Variants in BMPER observed in about 807,000 individuals in gnomAD.
The protein encoded by BMPER is BMP-binding endothelial regulator protein.
A neutral mutation model predicts 87.3 loss-of-function variants in BMPER; 45 were observed. The observed-to-expected ratio is 0.52, with a 90% CI of 0.41 to 0.66. The LOEUF (loss-of-function observed/expected upper bound fraction) is 0.66. BMPER is among the 30% of genes least tolerant of loss of function. The pLI is 0.00. For synonymous variants in BMPER, 326 were observed against 316.2 expected (o/e 1.03, Z -0.33); for missense variants, 784 against 867.5 (o/e 0.90, Z 1.21).
chr7:34,067,823 C>T (rs1362458), intron 11 of BMPER, among the ~76,000 whole-genome samples: 29,177 of 152,140 alleles, frequency 0.19, 2,926 homozygotes, highest in Middle Eastern at 0.25. Context: ...ATCAGTCTGT[C>T]TTCTGTTTTA....
rs1207349386 is a variant in BMPER, at chr7:33,906,878, A to T, written c.194A>T (p.Asn65Ile). 6.2e-7 allele frequency: 1 copy of T among 1,613,762 alleles called. No homozygotes were observed. The highest frequency in any genetic ancestry group is 8.5e-7 in the Non-Finnish European group (1 of 1,179,736). Residue 65 changes from asparagine (N) to isoleucine (I), a missense_variant, in exon 2 of 15, where the codon AAC becomes ATC. Transcript: ENST00000649409. ...EVLQIPFITD[N>I]PCIMCVCLNK... The stretch of plus-strand genomic sequence containing the variant: ...CTCCAGATTCCATTTATCACAGACA[A>T]CCCTTGCATAATGTGTGTCTGCTTG...
intron 5 of BMPER, among the ~76,000 whole-genome samples, chr7:33,972,047 C>T (rs2128619067): frequency 1.3e-5 from 2 of 152,198 alleles, no homozygotes; most frequent in Admixed American, 1.3e-4. Context: ...GGACTACAGG[C>T]ACCCGCCACC....
intron 13 of BMPER, among the ~76,000 whole-genome samples, chr7:34,143,007 A>G (rs943486776): frequency 6.6e-6 from 1 of 152,170 alleles, no homozygotes; most frequent in Non-Finnish European, 1.5e-5. Context: ...GTTCTATTGG[A>G]TAATCTTGCT....
chr7:33,907,313 G>T (rs1425606826), intron 2 of BMPER, among the ~76,000 whole-genome samples: 1 of 151,956 alleles, frequency 6.6e-6, no homozygotes, highest in Non-Finnish European at 1.5e-5. Context: ...TCAGGAATAA[G>T]GTATGCGACA....
intron 13 of BMPER, among the ~76,000 whole-genome samples, chr7:34,129,631 A>AGAAG (rs1302157273): frequency 3.2e-5 from 4 of 123,974 alleles, no homozygotes; most frequent in Non-Finnish European, 5.1e-5. Context: ...AGAGAAAGAG[A>AGAAG]GAAAGAAAGA....
intron 2 of BMPER, among the ~76,000 whole-genome samples, chr7:33,932,143 C>T (rs1335364193): frequency 6.6e-6 from 1 of 152,204 alleles, no homozygotes; most frequent in Non-Finnish European, 1.5e-5. Context: ...CAGGCTGGGG[C>T]ATCTATCCCA....
chr7:33,907,494 A>T (rs1295184175), intron 2 of BMPER, among the ~76,000 whole-genome samples: 1 of 152,216 alleles, frequency 6.6e-6, no homozygotes, highest in African/African-American at 2.4e-5. Context: ...ATAGAGAATG[A>T]CACTTGGCTG....
At chr7:34,010,949 C>T (rs1786858283) in intron 6 of BMPER, among the ~76,000 whole-genome samples, 1 of 151,766 alleles carries the variant, frequency 6.6e-6, no homozygotes, top group Non-Finnish European at 1.5e-5. Context: ...TTAGAAAATG[C>T]CTTTTTAATT....
chr7:34,119,098 T>A (rs1348976355), intron 13 of BMPER, among the ~76,000 whole-genome samples: 1 of 151,358 alleles, frequency 6.6e-6, no homozygotes, highest in Non-Finnish European at 1.5e-5. Flanking sequence ...TGGAGAACAC[T>A]CGGAAGAATT....
chr7:34,127,053 G>A (rs1414135321), intron 13 of BMPER, among the ~76,000 whole-genome samples: 1 of 152,174 alleles, frequency 6.6e-6, no homozygotes, highest in Non-Finnish European at 1.5e-5. Flanking sequence ...AACCTTAAAG[G>A]AGGAATCATC....
chr7:34,108,159 A>G (rs1265409263), intron 13 of BMPER, among the ~76,000 whole-genome samples: 1 of 152,236 alleles, frequency 6.6e-6, no homozygotes, highest in Non-Finnish European at 1.5e-5. Flanking sequence ...CATTGATTCC[A>G]TAAGTCCAAT....
intron 6 of BMPER, among the ~76,000 whole-genome samples, chr7:34,001,463 A>C (rs901845739): frequency 4.6e-5 from 7 of 151,574 alleles, no homozygotes; most frequent in African/African-American, 1.7e-4. Context: ...ATTTGTTGGC[A>C]TACAGTTGTT....
intron 13 of BMPER, among the ~76,000 whole-genome samples, chr7:34,116,060 A>G (rs1790110897): frequency 6.6e-6 from 1 of 152,260 alleles, no homozygotes; most frequent in South Asian, 2.1e-4. Context: ...TTGATGACCA[A>G]TGATGTCCAG....
chr7:33,998,221 A>C (rs1349478486), intron 6 of BMPER, among the ~76,000 whole-genome samples: 2 of 152,236 alleles, frequency 1.3e-5, no homozygotes, highest in East Asian at 1.9e-4. Flanking sequence ...GTTGATTAAC[A>C]TTTGGGAAAG....
intron 2 of BMPER, among the ~76,000 whole-genome samples, chr7:33,914,984 G>A (rs556740116): frequency 2.0e-4 from 30 of 152,284 alleles, no homozygotes; most frequent in Admixed American, 5.2e-4. Flanking sequence ...CAGACCCTGC[G>A]TATTTGCACA....
intron 6 of BMPER, among the ~76,000 whole-genome samples, chr7:34,000,682 A>G (rs1786557666): frequency 6.6e-6 from 1 of 152,134 alleles, no homozygotes; most frequent in Non-Finnish European, 1.5e-5. Flanking sequence ...ATGATACTAT[A>G]TTTTAAGTTT....
intron 6 of BMPER, among the ~76,000 whole-genome samples, chr7:34,010,813 T>C (rs899900690): frequency 6.6e-6 from 1 of 151,954 alleles, no homozygotes; most frequent in African/African-American, 2.4e-5. Context: ...ATAATTGTCA[T>C]GTCCTTGTTA....
chr7:33,979,001 G>A (rs1031586866), intron 6 of BMPER, among the ~76,000 whole-genome samples: 3 of 152,122 alleles, frequency 2.0e-5, no homozygotes, highest in Non-Finnish European at 4.4e-5. Flanking sequence ...GCAGTTAGAA[G>A]TGTGGGCATG....
At chr7:33,911,117 T>C (rs1235216509) in intron 2 of BMPER, among the ~76,000 whole-genome samples, 1 of 152,226 alleles carries the variant, frequency 6.6e-6, no homozygotes, top group African/African-American at 2.4e-5. Flanking sequence ...AGGTCATTTC[T>C]AGACTTTGGA....
Sources: gnomAD v4.1 joint callset for allele counts (sites outside exome capture counted in the v4.1 genomes callset) on GRCh38, gnomAD v4.1.1 for gene constraint, MANE v1.5 for transcripts, NCBI Gene and HGNC (gene_info 2026-07-23, HGNC 2026-07-21) for gene names.